The following TTC23 variants were observed in gnomAD, a reference collection of about 807,000 sequenced individuals.
The protein encoded by TTC23 is tetratricopeptide repeat domain 23, also known as tetratricopeptide repeat protein 23.
Under a neutral mutation model 55.1 loss-of-function variants are expected in TTC23, and 58 were observed. The observed-to-expected ratio is 1.05, with a 90% CI of 0.85 to 1.31. TTC23 has a LOEUF of 1.31. Ranked by LOEUF, TTC23 falls within the 50% of genes most tolerant of loss-of-function variation. The probability of loss-of-function intolerance (pLI) is 0.00; values close to 1 mark genes in which losing one functional copy is unlikely to be tolerated. For synonymous variants in TTC23, 203 were observed against 199.9 expected, an observed-to-expected ratio of 1.02 and a Z score of -0.13; for missense variants, 516 against 534.4, an observed-to-expected ratio of 0.97 and a Z score of 0.34.
At chr15:99,187,717 G>A (rs193145481) in intron 9 of TTC23, among the ~76,000 whole-genome samples, 1 of 151,996 alleles carries the variant, frequency 6.6e-6, no homozygotes, top group Non-Finnish European at 1.5e-5. Flanking sequence ...ATATATAAAT[G>A]GCCAATAAGC....
chr15:99,181,125 G>A (rs935553007), intron 9 of TTC23, among the ~76,000 whole-genome samples: 1 of 152,236 alleles, frequency 6.6e-6, no homozygotes, highest in African/African-American at 2.4e-5. Flanking sequence ...GTCACATGGT[G>A]CGTCAGCAGC....
At chr15:99,250,561 TTAA>T (rs1232354037), upstream of TTC23, among the ~76,000 whole-genome samples, 4 of 152,228 alleles carry the variant, frequency 2.6e-5, no homozygotes, top group East Asian at 7.7e-4. Flanking sequence ...ATTTGTCATA[TTAA>T]TGAGACACTT....
chr15:99,143,942 A>G (rs533168353), intron 12 of TTC23, among the ~76,000 whole-genome samples: 90 of 152,284 alleles, frequency 5.9e-4, no homozygotes, highest in Admixed American at 3.8e-3. Context: ...TAGACTCCTT[A>G]AGACACAGTT....
At chr15:99,222,762 C>T (rs752207638) in intron 5 of TTC23, among the ~76,000 whole-genome samples, 6 of 152,026 alleles carry the variant, frequency 3.9e-5, no homozygotes, top group Admixed American at 6.5e-5. Flanking sequence ...CTTTGGGAGG[C>T]GGAGATGGGT....
chr15:99,194,112 A>G (rs1209552376), intron 9 of TTC23, among the ~76,000 whole-genome samples: 1 of 152,194 alleles, frequency 6.6e-6, no homozygotes, highest in African/African-American at 2.4e-5. Context: ...TAGTCATGAA[A>G]AATTTAGAGA....
intron 9 of TTC23, among the ~76,000 whole-genome samples, chr15:99,193,138 A>G (rs2623185): frequency 0.82 from 124,760 of 152,204 alleles, 51,594 homozygotes; most frequent in East Asian, 0.93. Context: ...ATAGGCAGAC[A>G]GGACTTGCCT....
intron 8 of TTC23, among the ~76,000 whole-genome samples, chr15:99,212,924 G>A (rs558340909): frequency 6.8e-6 from 1 of 147,588 alleles, no homozygotes; most frequent in Admixed American, 7.0e-5. Context: ...GGTCAAGGCT[G>A]CCGTGAGCTG....
At chr15:99,178,074 C>T (rs987294397) in intron 9 of TTC23, among the ~76,000 whole-genome samples, 7 of 152,078 alleles carry the variant, frequency 4.6e-5, no homozygotes, top group Non-Finnish European at 2.9e-5. Context: ...CCCAGCTACG[C>T]AGGACGCTGA....
intron 12 of TTC23, among the ~76,000 whole-genome samples, chr15:99,141,265 A>G (rs1334161279): frequency 6.6e-6 from 1 of 152,208 alleles, no homozygotes; most frequent in Non-Finnish European, 1.5e-5. Context: ...ATATATAACC[A>G]CATAGATGAA....
intron 4 of TTC23, among the ~76,000 whole-genome samples, chr15:99,234,690 T>A (rs2079175044): frequency 6.6e-6 from 1 of 152,114 alleles, no homozygotes; most frequent in African/African-American, 2.4e-5. Context: ...GCAATTTATT[T>A]TAACAGACGC....
intron 8 of TTC23, among the ~76,000 whole-genome samples, chr15:99,217,314 C>T (rs1256496855): frequency 2.6e-5 from 4 of 151,882 alleles, no homozygotes; most frequent in East Asian, 1.9e-4. Flanking sequence ...TGCGCCACCA[C>T]GCCTGGCTAA....
intron 9 of TTC23, among the ~76,000 whole-genome samples, chr15:99,182,240 TCTCTCTCTCACACACA>T (rs753440493): frequency 5.3e-5 from 6 of 113,038 alleles, no homozygotes; most frequent in South Asian, 3.1e-4. Flanking sequence ...TCTCTCTCTC[TCTCTCTCTCACACACA>T]CACACACACA....
chr15:99,201,692 C>T (rs1271730595), intron 8 of TTC23, among the ~76,000 whole-genome samples: 4 of 152,136 alleles, frequency 2.6e-5, no homozygotes, highest in African/African-American at 4.8e-5. Context: ...CTAAGGAGGG[C>T]TACAGCTTGT....
chr15:99,222,976 G>A (rs113213128), intron 5 of TTC23, among the ~76,000 whole-genome samples: 2 of 152,132 alleles, frequency 1.3e-5, no homozygotes, highest in Non-Finnish European at 2.9e-5. Flanking sequence ...CAGCCTGGGC[G>A]ACACAGCGAG....
chr15:99,173,779 T>C (rs2073222707), intron 10 of TTC23, among the ~76,000 whole-genome samples: 1 of 152,178 alleles, frequency 6.6e-6, no homozygotes, highest in South Asian at 2.1e-4. Context: ...TCTCTCATAC[T>C]ACAGCCATCA....
intron 4 of TTC23, among the ~76,000 whole-genome samples, chr15:99,231,567 A>C (rs535921130): frequency 2.6e-5 from 4 of 151,632 alleles, no homozygotes; most frequent in African/African-American, 9.7e-5. Context: ...ATCTCGGCTC[A>C]CTGCAAGCTC....
At chr15:99,188,414 C>A (rs1204014551) in intron 9 of TTC23, among the ~76,000 whole-genome samples, 1 of 151,928 alleles carries the variant, frequency 6.6e-6, no homozygotes, top group Non-Finnish European at 1.5e-5. Context: ...GTAATGGTTA[C>A]AAAACTCTGT....
At chr15:99,246,909 G>A (rs1336905021) in intron 1 of TTC23, among the ~76,000 whole-genome samples, 2 of 151,996 alleles carry the variant, frequency 1.3e-5, no homozygotes, top group East Asian at 1.9e-4. Flanking sequence ...GCGACAAAGC[G>A]AGACCCAGTC....
intron 4 of TTC23, among the ~76,000 whole-genome samples, chr15:99,230,164 A>C (rs1398521190): frequency 2.0e-5 from 3 of 152,238 alleles, no homozygotes; most frequent in Non-Finnish European, 4.4e-5. Flanking sequence ...ATTGTATTCT[A>C]TATGTTTAAA....
Sources: gnomAD v4.1 joint callset for allele counts (sites outside exome capture counted in the v4.1 genomes callset) on GRCh38, gnomAD v4.1.1 for gene constraint, MANE v1.5 for transcripts, NCBI Gene and HGNC (gene_info 2026-07-23, HGNC 2026-07-21) for gene names.